RPS6KL1: variants seen among roughly 807,000 people sequenced by gnomAD.
RPS6KL1 encodes the protein ribosomal protein S6 kinase-like 1.
Under a neutral mutation model 57.0 loss-of-function variants are expected in RPS6KL1, and 41 were observed. That is an observed-to-expected ratio of 0.72 (90% confidence interval 0.56 to 0.93). The LOEUF (loss-of-function observed/expected upper bound fraction) is 0.93. Ranked by LOEUF, RPS6KL1 falls within the 40% of genes least tolerant of loss-of-function variation. The probability of loss-of-function intolerance (pLI) is 0.00; values close to 1 mark genes in which losing one functional copy is unlikely to be tolerated. For synonymous variants in RPS6KL1, 287 were observed against 309.7 expected, an observed-to-expected ratio of 0.93 and a Z score of 0.77; for missense variants, 697 against 727.7, an observed-to-expected ratio of 0.96 and a Z score of 0.49.
At position 74,921,970 on chromosome 14, in the gene RPS6KL1, G is replaced by T. The variant is rs1594964978; in HGVS notation, c.-21+8C>A. The T allele has an allele frequency of 8.5e-6, 2 of 234,926 alleles. No homozygotes were observed. Among genetic ancestry groups the T allele is most frequent in the South Asian group, 8.3e-5 (1 of 12,016 alleles). The allele number at this position is 234,926 out of a possible 1,614,324, so 14.6% of individuals were successfully genotyped here. On this transcript the variant is annotated splice_region_variant and intron_variant, in intron 2 of 11. Transcript: ENST00000557413. ...TGTTTTGTATTTGTAGTAGAGACGG[G>T]GTTTTACCATGTTGGCCAGGCTGGT...
At chr14:74,920,756 C>T in intron 3 of RPS6KL1, among the ~76,000 whole-genome samples, 1 of 152,160 alleles carries the variant, frequency 6.6e-6, no homozygotes, top group East Asian at 1.9e-4. Context: ...AATCCTCTTC[C>T]TACCTGAGAC....
At position 74,922,489 on chromosome 14, in the gene RPS6KL1, T is replaced by G. The variant is rs533404453; in HGVS notation, c.-528-4A>C. On this transcript the variant is annotated splice_polypyrimidine_tract_variant and splice_region_variant and intron_variant, in intron 1 of 11. Coordinates refer to ENST00000557413, the MANE Select transcript of RPS6KL1 (RefSeq NM_031464.5). ...GCACAGAGCTGGGCTGTAAGAACTG[T>G]TGGCAGACGGAATGACTGAGTGGCA... The G allele has an allele frequency of 1.5e-4, 42 of 284,580 alleles. No individual in the cohort carries two copies. Among genetic ancestry groups the G allele is most frequent in the Non-Finnish European group, 1.1e-4 (20 of 188,886 alleles). The allele number at this position is 284,580 out of a possible 1,614,324, so 17.6% of individuals were successfully genotyped here.
chr14:74,918,093 A>ATATTTTATTT (rs60519410), intron 5 of RPS6KL1, among the ~76,000 whole-genome samples: 69,405 of 149,554 alleles, frequency 0.46, 16,371 homozygotes, highest in African/African-American at 0.51. Flanking sequence ...TCTTCTTTTT[A>ATATTTTATTT]TATTTTATTT....
chr14:74,919,287 AGGATGCAGTGAGCCAAGG>A (rs983725856), intron 4 of RPS6KL1, among the ~76,000 whole-genome samples: 44 of 152,366 alleles, frequency 2.9e-4, no homozygotes, highest in African/African-American at 1.0e-3. Context: ...GCAGCCGTAC[AGGATGCAGTGAGCCAAGG>A]AGGGCTGCGT....
chr14:74,907,017 C>T lies in RPS6KL1; in HGVS notation c.1647G>A (p.Gly549=). Residue 549 remains glycine (G), a synonymous_variant, in exon 12 of 12, where the codon GGG becomes GGA. Transcript: ENST00000557413. ...TTCCGTCACCCGCTCTGCCCTCTTA[C>T]CCCACCAGCTTGCTCCATTGGATGG... ...FSTIQWSKLV[G] 6.2e-7 allele frequency: 1 copy of T among 1,608,254 alleles called. No individual in the cohort carries two copies. The highest frequency in any genetic ancestry group is 8.5e-7 in the Non-Finnish European group (1 of 1,176,532).
Position 74,907,543 on chromosome 14 carries a change from A to G in RPS6KL1, c.1444-13T>C. Reference sequence around the variant, plus strand: ...TCTGGGACAGTGCCTGGGAGGACACAGGGAAGGGCCTCTGAGGAGGCAACC... The same window carrying G: ...TCTGGGACAGTGCCTGGGAGGACACGGGGAAGGGCCTCTGAGGAGGCAACC... On this transcript the variant is annotated splice_polypyrimidine_tract_variant and intron_variant, in intron 10 of 11. Transcript: ENST00000557413. 1 of 1,561,430 alleles carries G rather than the reference A, an allele frequency of 6.4e-7. No homozygotes were observed. The highest frequency in any genetic ancestry group is 8.7e-7 in the Non-Finnish European group (1 of 1,152,054).
In RPS6KL1 at chr14:74,911,268, A is replaced by G. The variant is rs751971164; in HGVS notation, c.644T>C (p.Leu215Pro). 1 of 1,612,524 alleles carries G rather than the reference A, an allele frequency of 6.2e-7. No homozygotes were observed. The highest frequency in any genetic ancestry group is 2.2e-5 in the East Asian group (1 of 44,876). Residue 215 changes from leucine (L) to proline (P), a missense_variant, in exon 7 of 12, where the codon CTG (leucine) becomes CCG (proline). Coordinates refer to ENST00000557413, the MANE Select transcript of RPS6KL1 (RefSeq NM_031464.5). ...RYFVSEDSIF[L>P]HLEHVQGGTL... The stretch of plus-strand genomic sequence containing the variant: ...CTCACCTTGCACATGCTCCAGGTGC[A>G]GGAAGATGGAGTCCTCGCTCACAAA...
At chr14:74,913,267 TTGGTGAGGGCCAGGTGTGGTGGCTTA>T (rs1221394387) in intron 5 of RPS6KL1, among the ~76,000 whole-genome samples, 10 of 152,210 alleles carry the variant, frequency 6.6e-5, no homozygotes, top group Admixed American at 6.5e-4. Context: ...CTGAAAGCCC[TTGGTGAGGGCCAGGTGTGGTGGCTTA>T]TGCCTGTAAT....
At chr14:74,917,840 C>T (rs141651388) in intron 5 of RPS6KL1, among the ~76,000 whole-genome samples, 210 of 152,326 alleles carry the variant, frequency 1.4e-3, no homozygotes, top group Middle Eastern at 6.8e-3. Flanking sequence ...GAGTTGAGCA[C>T]GTCCCAGCCG....
Position 74,906,943 on chromosome 14 carries a change from G to T in RPS6KL1, c.*71C>A. The T allele has an allele frequency of 2.5e-6, 3 of 1,181,060 alleles. No homozygotes were observed. The highest frequency in any genetic ancestry group is 2.5e-5 in the South Asian group (2 of 78,720). 73.2% of individuals were successfully genotyped at this position (1,181,060 alleles called of 1,614,324 possible). Reference sequence around the variant, plus strand: ...GCCCGCTGATAGAGGGCCAGCCCTGGGTTGGGTGTCAGGCAAGGAGGAGAG... The same window carrying T: ...GCCCGCTGATAGAGGGCCAGCCCTGTGTTGGGTGTCAGGCAAGGAGGAGAG... On this transcript the variant is annotated 3_prime_UTR_variant, in exon 12 of 12. Transcript: ENST00000557413.
At chr14:74,907,945 A>G (rs948870419) in intron 10 of RPS6KL1, among the ~76,000 whole-genome samples, 1 of 152,212 alleles carries the variant, frequency 6.6e-6, no homozygotes, top group Non-Finnish European at 1.5e-5. Flanking sequence ...TGGCAATAAA[A>G]GAAAATAGGA....
chr14:74,908,289 T>C (rs1309838133), intron 10 of RPS6KL1, among the ~76,000 whole-genome samples: 1 of 152,190 alleles, frequency 6.6e-6, no homozygotes, highest in Admixed American at 6.5e-5. Flanking sequence ...GTTCAGCTCA[T>C]GAGGGGAGGA....
chr14:74,916,327 G>C (rs2140317677), intron 5 of RPS6KL1, among the ~76,000 whole-genome samples: 1 of 152,280 alleles, frequency 6.6e-6, no homozygotes, highest in East Asian at 1.9e-4. Flanking sequence ...ATCTCAGGAG[G>C]GAGGTGAAGT....
chr14:74,909,017 C>A, intron 9 of RPS6KL1, 84 bp downstream of exon 9: 1 of 1,572,556 alleles, frequency 6.4e-7, no homozygotes, highest in Non-Finnish European at 8.7e-7. Flanking sequence ...ACCACCCACC[C>A]GCTCTGTCAT....
intron 10 of RPS6KL1, among the ~76,000 whole-genome samples, chr14:74,907,978 A>C (rs1237960739): frequency 6.6e-6 from 1 of 152,204 alleles, no homozygotes; most frequent in Non-Finnish European, 1.5e-5. Context: ...CCAGAAAGGC[A>C]CAGCTTTGAG....
Position 74,911,179 on chromosome 14 carries a change from C to T in RPS6KL1, c.664+69G>A, listed in dbSNP as rs539274054. ...GAGCCACCACGCCCTGCCAGGGCTC[C>T]GCATTTTAAGGGTTGACGACATACC... On this transcript the variant is annotated intron_variant, in intron 7 of 11. Transcript: ENST00000557413. 2.2e-4 allele frequency: 331 copies of T among 1,511,430 alleles called. 1 individual carries two copies. The South Asian group carries it at 2.9e-3, about 13-fold the overall frequency. 93.6% of individuals were successfully genotyped at this position (1,511,430 alleles called of 1,614,324 possible). A position where few individuals can be genotyped will look rare whatever the true frequency, so the allele number is the denominator to read the frequency against.
At chr14:74,908,037 G>A (rs1463823129) in intron 10 of RPS6KL1, among the ~76,000 whole-genome samples, 1 of 152,188 alleles carries the variant, frequency 6.6e-6, no homozygotes, top group African/African-American at 2.4e-5. Context: ...GGAACCCCCA[G>A]GAGGAAGGCC....
At position 74,922,222 on chromosome 14, in the gene RPS6KL1, C is replaced by T; in HGVS notation, c.-265G>A. On this transcript the variant is annotated 5_prime_UTR_variant, in exon 2 of 12. Coordinates refer to ENST00000557413, the MANE Select transcript of RPS6KL1 (RefSeq NM_031464.5). ...GGCCTCCGTAGAGCAAGCTTGGTAT[C>T]CAGTACGCATTCAGCACATGGAGGC... 1 of 987,034 alleles carries T rather than the reference C, an allele frequency of 1.0e-6. No homozygotes were observed. The highest frequency in any genetic ancestry group is 1.2e-6 in the Non-Finnish European group (1 of 831,024). The allele number at this position is 987,034 out of a possible 1,614,324, so 61.1% of individuals were successfully genotyped here.
At chr14:74,915,857 A>G (rs1170327847) in intron 5 of RPS6KL1, among the ~76,000 whole-genome samples, 2 of 152,252 alleles carry the variant, frequency 1.3e-5, no homozygotes, top group Non-Finnish European at 2.9e-5. Context: ...AAATAAAAGA[A>G]GAAGTGACTT....
Sources: gnomAD v4.1 joint callset for allele counts (sites outside exome capture counted in the v4.1 genomes callset) on GRCh38, gnomAD v4.1.1 for gene constraint, MANE v1.5 for transcripts, NCBI Gene and HGNC (gene_info 2026-07-23, HGNC 2026-07-21) for gene names.